The following MACROD2 variants were observed in gnomAD, a reference collection of about 807,000 sequenced individuals.
MACROD2 encodes the protein mono-ADP ribosylhydrolase 2, also known as ADP-ribose glycohydrolase MACROD2.
In MACROD2, 36 loss-of-function variants were observed where a neutral mutation model predicts 70.4. The ratio of observed to expected loss-of-function variants is 0.51; its 90% CI spans 0.39 to 0.68. The LOEUF is 0.68. Ranked by LOEUF, MACROD2 falls within the 30% of genes least tolerant of loss-of-function variation. The pLI is 0.00. For missense variants in MACROD2, 496 were observed against 538.4 expected, an observed-to-expected ratio of 0.92 and a Z score of 0.78; for synonymous variants, 172 against 178.8, an observed-to-expected ratio of 0.96 and a Z score of 0.30.
intron 7 of MACROD2, among the ~76,000 whole-genome samples, chr20:15,469,948 A>G (rs2035631646): frequency 6.6e-6 from 1 of 152,216 alleles, no homozygotes; most frequent in African/African-American, 2.4e-5. Flanking sequence ...GCCTCACCAA[A>G]AAATTAGTTG....
At chr20:14,606,078 T>C (rs1026141936) in intron 4 of MACROD2, among the ~76,000 whole-genome samples, 2 of 152,116 alleles carry the variant, frequency 1.3e-5, no homozygotes, top group Non-Finnish European at 2.9e-5. Flanking sequence ...TAAAATAGAA[T>C]GGGCGCTTGT....
At chr20:16,009,321 G>A (rs1360778650) in intron 15 of MACROD2, among the ~76,000 whole-genome samples, 1 of 152,188 alleles carries the variant, frequency 6.6e-6, no homozygotes, top group African/African-American at 2.4e-5. Context: ...GGACACAGGA[G>A]CATGGAAACA....
chr20:14,590,436 A>G (rs1264653523), intron 4 of MACROD2, among the ~76,000 whole-genome samples: 1 of 152,294 alleles, frequency 6.6e-6, no homozygotes, highest in African/African-American at 2.4e-5. Flanking sequence ...AGAGATTATG[A>G]TGCTGTGGCA....
intron 3 of MACROD2, among the ~76,000 whole-genome samples, chr20:14,253,090 G>A (rs915089943): frequency 6.6e-5 from 10 of 152,052 alleles, no homozygotes; most frequent in Middle Eastern, 3.4e-3. Flanking sequence ...GGTACATTTC[G>A]AAGGGTACAT....
intron 8 of MACROD2, among the ~76,000 whole-genome samples, chr20:15,524,829 C>T (rs1241212147): frequency 6.6e-6 from 1 of 152,164 alleles, no homozygotes; most frequent in Non-Finnish European, 1.5e-5. Flanking sequence ...TTTTACCAAC[C>T]ACATTTCAAG....
Position 14,890,082 on chromosome 20 carries a change from C to G in MACROD2, c.418+205123C>G, listed in dbSNP as rs576929523. On this transcript the variant is annotated intron_variant, in intron 5 of 17. Coordinates refer to ENST00000684519, the MANE Select transcript of MACROD2 (RefSeq NM_001351661.2). Reference sequence around the variant, plus strand: ...ACTCCAAGGGTTTCTGTCTGAGCAACTGGAAGGATGTAATCGCTTCCAGCT... The same window carrying G: ...ACTCCAAGGGTTTCTGTCTGAGCAAGTGGAAGGATGTAATCGCTTCCAGCT... Among the ~76,000 whole-genome samples the G allele has an allele frequency of 2.8e-4, 42 of 152,196 alleles. 2 individuals carry two copies. In the East Asian group the frequency reaches 5.6e-3, roughly 20 times the overall value.
chr20:14,428,549 A>G (rs1211573649), intron 3 of MACROD2, among the ~76,000 whole-genome samples: 1 of 152,096 alleles, frequency 6.6e-6, no homozygotes, highest in African/African-American at 2.4e-5. Flanking sequence ...CTACTCCTGT[A>G]TTTTTACTAA....
chr20:14,439,292 A>C (rs568986053), intron 3 of MACROD2, among the ~76,000 whole-genome samples: 1 of 152,000 alleles, frequency 6.6e-6, no homozygotes, highest in Non-Finnish European at 1.5e-5. Context: ...TGTTTTGATT[A>C]CTGTAGCTTT....
At chr20:15,315,298 A>G (rs2077797188) in intron 6 of MACROD2, among the ~76,000 whole-genome samples, 1 of 152,212 alleles carries the variant, frequency 6.6e-6, no homozygotes, top group African/African-American at 2.4e-5. Flanking sequence ...ATAATGGCCA[A>G]AGCTCTCCAT....
chr20:14,419,066 T>G (rs1160933059), intron 3 of MACROD2, among the ~76,000 whole-genome samples: 1 of 152,044 alleles, frequency 6.6e-6, no homozygotes, highest in Non-Finnish European at 1.5e-5. Flanking sequence ...TTGTTTTTTG[T>G]TTTTTGAGAT....
chr20:15,334,660 T>C (rs540579058), intron 6 of MACROD2, among the ~76,000 whole-genome samples: 2 of 151,506 alleles, frequency 1.3e-5, no homozygotes, highest in Non-Finnish European at 2.9e-5. Context: ...ATTCACTGAG[T>C]GTGGATGAAG....
intron 8 of MACROD2, among the ~76,000 whole-genome samples, chr20:15,730,152 C>T (rs1234754404): frequency 6.6e-6 from 1 of 152,150 alleles, no homozygotes; most frequent in Non-Finnish European, 1.5e-5. Flanking sequence ...CTTTATTTGA[C>T]TTGCCACTCT....
intron 3 of MACROD2, among the ~76,000 whole-genome samples, chr20:14,137,371 G>A (rs1015131184): frequency 4.6e-5 from 7 of 152,218 alleles, no homozygotes; most frequent in Admixed American, 1.3e-4. Context: ...GCATTATAAA[G>A]GTCTTCATCC....
intron 7 of MACROD2, among the ~76,000 whole-genome samples, chr20:15,451,422 A>T (rs1466320912): frequency 1.6e-5 from 2 of 127,648 alleles, no homozygotes; most frequent in East Asian, 3.9e-4. Context: ...GTAAATAAAA[A>T]AAAAAAAAAA....
chr20:15,142,970 A>G (rs2076203515), intron 5 of MACROD2, among the ~76,000 whole-genome samples: 1 of 152,078 alleles, frequency 6.6e-6, no homozygotes, highest in African/African-American at 2.4e-5. Flanking sequence ...TGCAATAAAC[A>G]TATGTGTGCA....
At chr20:15,705,505 G>A (rs575095939) in intron 8 of MACROD2, among the ~76,000 whole-genome samples, 30 of 151,934 alleles carry the variant, frequency 2.0e-4, no homozygotes, top group African/African-American at 6.5e-4. Context: ...CTGGAACCTC[G>A]GCCTCCTGGG....
At chr20:15,790,671 T>G (rs2063616192) in intron 8 of MACROD2, among the ~76,000 whole-genome samples, 1 of 151,936 alleles carries the variant, frequency 6.6e-6, no homozygotes, top group South Asian at 2.1e-4. Context: ...AAAAGATGAA[T>G]TCAATGTTTC....
intron 10 of MACROD2, among the ~76,000 whole-genome samples, chr20:15,897,069 T>A (rs1484889257): frequency 6.6e-6 from 1 of 152,174 alleles, no homozygotes; most frequent in Non-Finnish European, 1.5e-5. Context: ...AAAGCATACT[T>A]TTCTCACACT....
chr20:15,843,055 A>G (rs561498900), intron 8 of MACROD2, among the ~76,000 whole-genome samples: 112 of 152,318 alleles, frequency 7.4e-4, no homozygotes, highest in African/African-American at 2.6e-3. Context: ...ACTTGGTGGC[A>G]CTGAGCTCAC....
Sources: gnomAD v4.1 joint callset for allele counts (sites outside exome capture counted in the v4.1 genomes callset) on GRCh38, gnomAD v4.1.1 for gene constraint, MANE v1.5 for transcripts, NCBI Gene and HGNC (gene_info 2026-07-23, HGNC 2026-07-21) for gene names.